The following UNKL variants were observed in gnomAD, a reference collection of about 807,000 sequenced individuals.
The protein encoded by UNKL is unk like zinc finger, also known as putative E3 ubiquitin-protein ligase UNKL.
UNKL carries 60 observed loss-of-function variants against 78.0 expected under a neutral mutation model. That is an observed-to-expected ratio of 0.77 (90% CI 0.63 to 0.95). UNKL has a LOEUF of 0.95. UNKL is among the 40% of genes least tolerant of loss of function. UNKL has a pLI of 0.00. For synonymous variants in UNKL, 608 were observed against 474.8 expected (o/e 1.28, Z -3.65); for missense variants, 1,159 against 1,045.7 (o/e 1.11, Z -1.49).
chr16:1,392,816 T>C lies in UNKL; in HGVS notation c.1023+75A>G. 6 of 1,504,130 alleles carry C rather than the reference T, an allele frequency of 4.0e-6. No homozygotes were observed. The Admixed American group carries it at 7.9e-5, about 20-fold the overall frequency. The allele number at this position is 1,504,130 out of a possible 1,614,324, so 93.2% of individuals were successfully genotyped here. A position where few individuals can be genotyped will look rare whatever the true frequency, so the allele number is the denominator to read the frequency against. On this transcript the variant is annotated intron_variant, in intron 8 of 14. Coordinates refer to ENST00000389221, the MANE Select transcript of UNKL (RefSeq NM_001372107.1). ...CCACGACCACATTGCTGAAAACTCA[T>C]ATCCATCCACATCCCTAAGAGTTCA...
intron 9 of UNKL, among the ~76,000 whole-genome samples, chr16:1,390,274 C>A (rs1258363663): frequency 6.6e-6 from 1 of 152,204 alleles, no homozygotes; most frequent in Non-Finnish European, 1.5e-5. Context: ...GTGTGAGCCA[C>A]CGTGCCCGGC....
Position 1,366,329 on chromosome 16 carries a change from G to A in UNKL, c.2113C>T (p.Arg705Trp), listed in dbSNP as rs754577982. ...CAGAGGATGTGGTGCTGACAGGGCCGCAGGACAGCACCGTGGGCCCGCTCC... is the reference window on the plus strand; with the variant it reads ...CAGAGGATGTGGTGCTGACAGGGCCACAGGACAGCACCGTGGGCCCGCTCC... Reference protein sequence around the residue: ...CRERAHGAVLRPCQHHILCEP... With the variant: ...CRERAHGAVLWPCQHHILCEP... The change falls in exon 15 of 15, where the codon CGG (arginine) becomes TGG (tryptophan). Residue 705 changes from arginine to tryptophan, a missense_variant. Physicochemically the swap from Arg to Trp is moderately radical, Grantham distance 101. Transcript: ENST00000389221. 1.6e-5 allele frequency: 25 copies of A among 1,603,192 alleles called. No homozygotes were observed. Among genetic ancestry groups the A allele is most frequent in the South Asian group, 3.4e-5 (3 of 89,424 alleles).
At chr16:1,393,223 C>T (rs1390795368) in intron 7 of UNKL, among the ~76,000 whole-genome samples, 1 of 152,210 alleles carries the variant, frequency 6.6e-6, no homozygotes, top group Non-Finnish European at 1.5e-5. Flanking sequence ...AGAATAGCTG[C>T]CCTCCCCACT....
chr16:1,387,264 T>C lies in UNKL; in HGVS notation c.1087-1879A>G, dbSNP rs112682059. ...CATGCATGGTGCTGCCAATACCCCC[T>C]ATCAATCCCCCATGGTGAGCCTGGT... is the stretch of plus-strand genomic sequence containing the variant. On this transcript the variant is annotated intron_variant, in intron 9 of 14. Coordinates refer to ENST00000389221, the MANE Select transcript of UNKL (RefSeq NM_001372107.1). This position sits in a 1 kb window ranked among gnomAD's most constrained non-coding sequence, Gnocchi z 4.1. Among the ~76,000 whole-genome samples, 230 of 152,182 alleles carry C rather than the reference T, an allele frequency of 1.5e-3. 3 individuals are homozygous for C. The highest frequency in any genetic ancestry group is 4.7e-3 in the African/African-American group (197 of 41,484).
chr16:1,378,334 G>A (rs1012635895), intron 10 of UNKL, among the ~76,000 whole-genome samples: 5 of 152,190 alleles, frequency 3.3e-5, no homozygotes, highest in African/African-American at 1.2e-4. Context: ...AGCCAGGCTC[G>A]GGAACCTGGA....
chr16:1,374,908 G>A (rs1443250610), intron 10 of UNKL, among the ~76,000 whole-genome samples: 1 of 152,238 alleles, frequency 6.6e-6, no homozygotes, highest in Non-Finnish European at 1.5e-5. Context: ...AAAGGCAGGA[G>A]GGTGACTTCT....
chr16:1,399,067 CGG>C lies in UNKL; in HGVS notation c.734+305_734+306del. 5.1e-6 allele frequency: 7 copies of C among 1,370,730 alleles called. No individual in the cohort carries two copies. Among genetic ancestry groups the C allele is most frequent in the Non-Finnish European group, 6.7e-6 (7 of 1,040,060 alleles). 84.9% of individuals were successfully genotyped at this position (1,370,730 alleles called of 1,614,324 possible). ...CAACCAGAGGCACGGGTGGGGCACA[CGG>C]GGGTCCCAGCTGGGCTTGGGGTCCC... On this transcript the variant is annotated intron_variant, in intron 5 of 14. Transcript: ENST00000389221. The surrounding 1 kb of genome is among the most constrained non-coding windows in gnomAD (Gnocchi z 5.8).
At chr16:1,381,044 A>C (rs889742384) in intron 10 of UNKL, among the ~76,000 whole-genome samples, 1 of 152,090 alleles carries the variant, frequency 6.6e-6, no homozygotes, top group Non-Finnish European at 1.5e-5. Flanking sequence ...CAGGTCAAAA[A>C]CGTACCTCAG....
At chr16:1,379,779 C>G (rs1202075603) in intron 10 of UNKL, 2 of 849,002 alleles carry the variant, frequency 2.4e-6, no homozygotes, top group Non-Finnish European at 2.8e-6. Context: ...GCGCTGCCCT[C>G]CCCCAACCTT....
At chr16:1,392,589 C>G (rs1453755260) in intron 8 of UNKL, among the ~76,000 whole-genome samples, 1 of 152,134 alleles carries the variant, frequency 6.6e-6, no homozygotes, top group Non-Finnish European at 1.5e-5. Context: ...CACCCACCAC[C>G]ACACCTGGTT....
intron 2 of UNKL, among the ~76,000 whole-genome samples, chr16:1,413,577 A>G (rs1029465570): frequency 2.6e-5 from 4 of 152,244 alleles, no homozygotes; most frequent in African/African-American, 9.6e-5. Flanking sequence ...TCAAAAAACA[A>G]ACAAAAAAAA....
rs1173923939 is a variant in UNKL, at chr16:1,364,777, C to T, written c.*1463G>A. The T allele has an allele frequency of 2.6e-5, 4 of 152,208 alleles. No homozygotes were observed. Among genetic ancestry groups the T allele is most frequent in the East Asian group, 1.9e-4 (1 of 5,196 alleles). 9.4% of individuals were successfully genotyped at this position (152,208 alleles called of 1,614,324 possible). A position where few individuals can be genotyped will look rare whatever the true frequency, so the allele number is the denominator to read the frequency against. On this transcript the variant is annotated 3_prime_UTR_variant, in exon 15 of 15. Transcript: ENST00000389221. ...TGAGCTCCGATGATAACTGGCAGCG[C>T]GGGTCAGGTGACTGCCACATACACC... is the stretch of plus-strand genomic sequence containing the variant.
intron 2 of UNKL, among the ~76,000 whole-genome samples, chr16:1,406,488 C>T (rs1342170277): frequency 6.6e-6 from 1 of 152,168 alleles, no homozygotes; most frequent in Non-Finnish European, 1.5e-5. Context: ...GCTGGGATTA[C>T]AGGCGTGAGC....
At position 1,414,657 on chromosome 16, in the gene UNKL, A is replaced by G. The variant is rs2038203639; in HGVS notation, c.35T>C (p.Leu12Pro). 8.7e-7 allele frequency: 1 copy of G among 1,147,564 alleles called. No homozygotes were observed. The allele number at this position is 1,147,564 out of a possible 1,614,324, so 71.1% of individuals were successfully genotyped here. The change falls in exon 1 of 15, where the codon CTG (leucine) becomes CCG (proline). Residue 12 changes from leucine to proline, a missense_variant. By Grantham distance (98) the Leu-to-Pro change is moderately conservative. Coordinates refer to ENST00000389221, the MANE Select transcript of UNKL (RefSeq NM_001372107.1). ...CTCAGTCTGCGGGGGGGACCCGCTC[A>G]GCGCCGCTGCCGCCGCTTTCGAAAC... is the stretch of plus-strand genomic sequence containing the variant. ...PSVSKAAAAA[L>P]SGSPPQTEKP... is the part of the protein sequence containing the mutation.
chr16:1,400,371 T>C (rs2037464658), intron 4 of UNKL, among the ~76,000 whole-genome samples: 1 of 126,524 alleles, frequency 7.9e-6, no homozygotes. Context: ...TGAGCTGAGA[T>C]TGTGCCACTG....
intron 10 of UNKL, among the ~76,000 whole-genome samples, chr16:1,382,433 A>C (rs1481041055): frequency 1.3e-5 from 2 of 152,144 alleles, no homozygotes; most frequent in East Asian, 3.9e-4. Flanking sequence ...AAACAAACGC[A>C]AACACTGCTT....
intron 13 of UNKL, 32 bp downstream of exon 13, chr16:1,367,624 C>T (rs1567196926): frequency 6.5e-7 from 1 of 1,538,164 alleles, no homozygotes; most frequent in Non-Finnish European, 8.8e-7. Context: ...CCCTCCCTCC[C>T]CCTCACCTGT....
Position 1,363,863 on chromosome 16 carries a change from C to T in UNKL, c.*2377G>A, listed in dbSNP as rs2035029397. 1 of 152,528 alleles carries T rather than the reference C, an allele frequency of 6.6e-6. No homozygotes were observed. Among genetic ancestry groups the T allele is most frequent in the Admixed American group, 6.5e-5 (1 of 15,294 alleles). The allele number at this position is 152,528 out of a possible 1,614,324, so 9.4% of individuals were successfully genotyped here. A position where few individuals can be genotyped will look rare whatever the true frequency, so the allele number is the denominator to read the frequency against. On this transcript the variant is annotated 3_prime_UTR_variant, in exon 15 of 15. Transcript: ENST00000389221. ...GGGAGCAGGTGCCACCTCCATCTCC[C>T]AGCTGTCCCCCCACCCCTGGGGCTC... is the stretch of plus-strand genomic sequence containing the variant.
chr16:1,394,349 C>T, intron 6 of UNKL, 134 bp from the exon 7 acceptor site: 1 of 1,065,758 alleles, frequency 9.4e-7, no homozygotes, highest in Non-Finnish European at 1.4e-6. Context: ...GGGGCGTGGG[C>T]CCTGCCCTCC....
Sources: allele counts gnomAD v4.1 joint callset (sites outside exome capture counted in the v4.1 genomes callset), GRCh38; gene constraint gnomAD v4.1.1; non-coding constraint Gnocchi (gnomAD v3.1); transcripts MANE v1.5; gene names NCBI Gene and HGNC (gene_info 2026-07-23, HGNC 2026-07-21).